The following EHMT1 variants were observed in gnomAD, a reference collection of about 807,000 sequenced individuals.
The protein encoded by EHMT1 is euchromatic histone lysine methyltransferase 1.
In EHMT1, 15 loss-of-function variants were observed where a neutral mutation model predicts 147.2. The ratio of observed to expected loss-of-function variants is 0.10; its 90% CI spans 0.07 to 0.16. The LOEUF (loss-of-function observed/expected upper bound fraction) is 0.16, where lower values mean the gene tolerates loss of function less well. EHMT1 is among the 10% of genes least tolerant of loss of function. EHMT1 has a pLI of 1.00. For missense variants in EHMT1, 1,587 were observed against 1,772.4 expected (o/e 0.90, Z 1.88); for synonymous variants, 795 against 709.6 (o/e 1.12, Z -1.91).
At position 137,819,670 on chromosome 9, in the gene EHMT1, G is replaced by A. The variant is rs117917753; in HGVS notation, c.3540+1532G>A. On this transcript the variant is annotated intron_variant, in intron 25 of 26. Transcript: ENST00000460843. ...GAGGCTGAGGGGGGGGGCGCCGTGT[G>A]CCGAGACTGTAAAGAGGCTGAGGAG... Among the ~76,000 whole-genome samples, 141 of 132,058 alleles carry A rather than the reference G, an allele frequency of 1.1e-3. 1 individual carries two copies. Among genetic ancestry groups the A allele is most frequent in the African/African-American group, 2.5e-3 (92 of 36,258 alleles). 86.6% of individuals were successfully genotyped at this position (132,058 alleles called of 152,430 possible). A position where few individuals can be genotyped will look rare whatever the true frequency, so the allele number is the denominator to read the frequency against.
intron 16 of EHMT1, chr9:137,795,291 T>C (rs1952812844): frequency 1.3e-5 from 2 of 152,094 alleles, no homozygotes; most frequent in Admixed American, 1.3e-4. Flanking sequence ...AAGATAAATA[T>C]TTACCCAGTT....
intron 1 of EHMT1, among the ~76,000 whole-genome samples, chr9:137,635,424 A>T (rs999305941): frequency 5.3e-5 from 8 of 149,578 alleles, no homozygotes; most frequent in Admixed American, 1.3e-4. Flanking sequence ...ACCATGTTGG[A>T]CAGGCTGGTC....
intron 18 of EHMT1, among the ~76,000 whole-genome samples, chr9:137,810,514 ATGTTT>A (rs1223192284): frequency 1.3e-5 from 2 of 152,026 alleles, no homozygotes; most frequent in Non-Finnish European, 2.9e-5. Flanking sequence ...ACATTTTCTT[ATGTTT>A]ACCGTTCATC....
chr9:137,790,362 CGTTT>C (rs1489281994), intron 15 of EHMT1, among the ~76,000 whole-genome samples: 1 of 152,126 alleles, frequency 6.6e-6, no homozygotes, highest in Non-Finnish European at 1.5e-5. Flanking sequence ...CAAGTTTCTC[CGTTT>C]GTTTGGAAAA....
intron 1 of EHMT1, among the ~76,000 whole-genome samples, chr9:137,668,435 C>T (rs769489003): frequency 1.3e-5 from 2 of 152,102 alleles, no homozygotes; most frequent in African/African-American, 2.4e-5. Flanking sequence ...ATTTACCCAC[C>T]TACTCATCCA....
rs184981040 is a variant in EHMT1, at chr9:137,703,130, G to A, written c.22-7837G>A. Among the ~76,000 whole-genome samples, 11 of 152,266 alleles carry A rather than the reference G, an allele frequency of 7.2e-5. No homozygotes were observed. In the East Asian group the frequency reaches 9.6e-4, roughly 13 times the overall value. On this transcript the variant is annotated intron_variant, in intron 1 of 26. Transcript: ENST00000460843. ...CTGGAGCTGGAGTGGCTGTGATGCC[G>A]GACACCATGTACTGAGGTTGCACAG...
intron 1 of EHMT1, among the ~76,000 whole-genome samples, chr9:137,639,870 G>A (rs556295578): frequency 6.6e-6 from 1 of 152,336 alleles, no homozygotes; most frequent in South Asian, 2.1e-4. Context: ...CAGAGGAGGA[G>A]CTGTGATATC....
intron 25 of EHMT1, 109 bp from the exon 26 acceptor site, chr9:137,834,240 G>C (rs1956435748): frequency 2.8e-6 from 4 of 1,427,940 alleles, no homozygotes; most frequent in Non-Finnish European, 3.8e-6. Context: ...TGCATGGCGG[G>C]CCTGCGCCCA....
Position 137,757,987 on chromosome 9 carries a change from G to A in EHMT1, c.1477G>A (p.Gly493Arg). 6.2e-7 allele frequency: 1 copy of A among 1,614,100 alleles called. No individual in the cohort carries two copies. The highest frequency in any genetic ancestry group is 1.1e-5 in the South Asian group (1 of 91,084). ...SLDSLDLRVKGILSSQAEGLA... is the reference protein window; with the variant it reads ...SLDSLDLRVKRILSSQAEGLA... ...GGACTCCCTGGATCTCCGAGTCAAA[G>A]GAATTCTGTCTTCACAAGCAGAAGG... is the stretch of plus-strand genomic sequence containing the variant. Residue 493 changes from glycine (G) to arginine (R), a missense_variant, in exon 9 of 27, where the codon GGA becomes AGA. Gly to Arg is a moderately radical substitution (Grantham distance 125). This residue lies in a region of EHMT1 where 810 missense variants were observed against 673.0 expected (regional missense o/e 1.20). Transcript: ENST00000460843.
chr9:137,749,995 C>T (rs985991929), intron 6 of EHMT1, among the ~76,000 whole-genome samples: 1 of 152,108 alleles, frequency 6.6e-6, no homozygotes, highest in African/African-American at 2.4e-5. Flanking sequence ...TTGACTGTTC[C>T]TGCTGATTCT....
chr9:137,741,008 G>T (rs929775042), intron 4 of EHMT1, among the ~76,000 whole-genome samples: 2 of 146,426 alleles, frequency 1.4e-5, no homozygotes, highest in Non-Finnish European at 3.0e-5. Flanking sequence ...ACAGAGTCTC[G>T]CTGTGTTGCC....
intron 1 of EHMT1, among the ~76,000 whole-genome samples, chr9:137,692,210 G>A (rs1942992564): frequency 6.6e-6 from 1 of 151,906 alleles, no homozygotes; most frequent in Admixed American, 6.6e-5. Flanking sequence ...TCTTTCACAT[G>A]GCATGTCGTC....
intron 2 of EHMT1, among the ~76,000 whole-genome samples, chr9:137,711,369 A>C (rs941547107): frequency 3.3e-5 from 5 of 152,318 alleles, no homozygotes; most frequent in Non-Finnish European, 5.9e-5. Context: ...CGGTGTCCTC[A>C]GTTGATAAGG....
rs1033893857 is a variant in EHMT1, at chr9:137,810,793, G to A, written c.2713-668G>A. Among the ~76,000 whole-genome samples the A allele has an allele frequency of 2.0e-4, 31 of 151,532 alleles. 1 individual carries two copies. The highest frequency in any genetic ancestry group is 6.5e-4 in the African/African-American group (27 of 41,224). ...GGCTCACTGTAACCCTCTGCCTCCCGGGTTCAAGCAATTCTCCTGCCTCAG... is the reference window on the plus strand; with the variant it reads ...GGCTCACTGTAACCCTCTGCCTCCCAGGTTCAAGCAATTCTCCTGCCTCAG... On this transcript the variant is annotated intron_variant, in intron 18 of 26. Transcript: ENST00000460843.
intron 1 of EHMT1, chr9:137,637,388 T>A (rs1844163587): frequency 6.6e-6 from 1 of 152,226 alleles, no homozygotes; most frequent in Non-Finnish European, 1.5e-5. Flanking sequence ...TTGGCCAGGC[T>A]CGTCTTGAAC....
chr9:137,755,170 A>G (rs1394586728), intron 8 of EHMT1, among the ~76,000 whole-genome samples: 1 of 152,208 alleles, frequency 6.6e-6, no homozygotes, highest in Non-Finnish European at 1.5e-5. Context: ...CCATCACCAC[A>G]GTCAGATGAT....
intron 1 of EHMT1, among the ~76,000 whole-genome samples, chr9:137,709,747 AG>A: frequency 6.6e-6 from 1 of 152,208 alleles, no homozygotes; most frequent in East Asian, 1.9e-4. Context: ...GGCTGCTCCT[AG>A]TGACCTCGGG....
chr9:137,679,563 A>G (rs1941738358), intron 1 of EHMT1, among the ~76,000 whole-genome samples: 1 of 152,044 alleles, frequency 6.6e-6, no homozygotes, highest in East Asian at 1.9e-4. Flanking sequence ...ATTCCTGAGC[A>G]CTGATGGGGT....
chr9:137,658,433 G>T (rs1391549951), intron 1 of EHMT1, among the ~76,000 whole-genome samples: 1 of 152,070 alleles, frequency 6.6e-6, no homozygotes, highest in Non-Finnish European at 1.5e-5. Flanking sequence ...TTAGAAGCGT[G>T]AGCCACCGCA....
Sources: gnomAD v4.1 joint callset for allele counts (sites outside exome capture counted in the v4.1 genomes callset) on GRCh38, gnomAD v4.1.1 for gene constraint, gnomAD v4.1.1 regional missense constraint, MANE v1.5 for transcripts, NCBI Gene and HGNC (gene_info 2026-07-23, HGNC 2026-07-21) for gene names.